Variants in TRIO observed in about 807,000 individuals in gnomAD.
The protein encoded by TRIO is triple functional domain protein.
TRIO carries 58 observed loss-of-function variants against 351.9 expected under a neutral mutation model. The observed-to-expected ratio is 0.16, with a 90% CI of 0.13 to 0.21. TRIO has a LOEUF of 0.21. Ranked by LOEUF, TRIO falls within the 10% of genes least tolerant of loss-of-function variation. The probability of loss-of-function intolerance (pLI) is 1.00; values close to 1 mark genes in which losing one functional copy is unlikely to be tolerated. For synonymous variants in TRIO, 1,758 were observed against 1,595.7 expected (o/e 1.10, Z -2.42); for missense variants, 3,201 against 4,027.8 (o/e 0.79, Z 5.56).
At chr5:14,396,061 A>AG (rs1747545943) in intron 28 of TRIO, among the ~76,000 whole-genome samples, 1 of 151,508 alleles carries the variant, frequency 6.6e-6, no homozygotes, top group African/African-American at 2.4e-5. Context: ...AAAAAAAAAA[A>AG]AAAAAAGGAT....
At chr5:14,422,598 G>A (rs554181788) in intron 34 of TRIO, among the ~76,000 whole-genome samples, 3 of 152,356 alleles carry the variant, frequency 2.0e-5, no homozygotes, top group East Asian at 3.9e-4. Context: ...TCAGGTTCAC[G>A]TGGTGGTTTT....
Position 14,405,789 on chromosome 5 carries a change from T to G in TRIO, c.4717-59T>G, listed in dbSNP as rs1748652445. 2.0e-6 allele frequency: 3 copies of G among 1,521,882 alleles called. No homozygotes were observed. In the Admixed American group the frequency reaches 5.4e-5, roughly 27 times the overall value. The allele number at this position is 1,521,882 out of a possible 1,614,324, so 94.3% of individuals were successfully genotyped here. ...GGAATGCAGGAAACCTGGGTGTGGTTAGGGCAAGGTCTGGAAAGGGCCGTT... is the reference window on the plus strand; with the variant it reads ...GGAATGCAGGAAACCTGGGTGTGGTGAGGGCAAGGTCTGGAAAGGGCCGTT... On this transcript the variant is annotated intron_variant, in intron 31 of 56. Transcript: ENST00000344204.
chr5:14,356,532 G>A (rs1186984835), intron 11 of TRIO, among the ~76,000 whole-genome samples: 1 of 152,196 alleles, frequency 6.6e-6, no homozygotes, highest in Non-Finnish European at 1.5e-5. Context: ...TGGTGGGAAG[G>A]TAAAAATGAT....
intron 1 of TRIO, among the ~76,000 whole-genome samples, chr5:14,163,011 A>G (rs1371926172): frequency 6.6e-6 from 1 of 151,812 alleles, no homozygotes; most frequent in Non-Finnish European, 1.5e-5. Context: ...TGTTTTTTAA[A>G]TTTTACTTTA....
rs1026624775 is a variant in TRIO, at chr5:14,463,477, C to G, written c.5667+552C>G. 2.6e-5 allele frequency among the ~76,000 whole-genome samples: 4 copies of G among 152,186 alleles called. No individual in the cohort carries two copies. In the East Asian group the frequency reaches 7.7e-4, roughly 29 times the overall value. On this transcript the variant is annotated intron_variant, in intron 36 of 56. Coordinates refer to ENST00000344204, the MANE Select transcript of TRIO (RefSeq NM_007118.4). ...CAGTTGAAAGCTCTTTGGGTCTACG[C>G]AGGAGCTTCAAGCCATGAAAGTCAT...
chr5:14,145,276 T>G (rs556667389), intron 1 of TRIO, among the ~76,000 whole-genome samples: 14 of 152,238 alleles, frequency 9.2e-5, no homozygotes, highest in Non-Finnish European at 1.3e-4. Context: ...TGCTGGTAGA[T>G]ACCTGGTTTA....
chr5:14,476,766 C>G, intron 40 of TRIO, 128 bp from the exon 41 acceptor site: 1 of 736,844 alleles, frequency 1.4e-6, no homozygotes, highest in Middle Eastern at 4.2e-4. Context: ...TGCACTCCAG[C>G]CTAGGTGATA....
intron 16 of TRIO, 123 bp downstream of exon 16, chr5:14,367,102 A>G: frequency 7.2e-7 from 1 of 1,393,458 alleles, no homozygotes; most frequent in South Asian, 1.4e-5. Context: ...GACGACTCAG[A>G]GGACCCAAAT....
At chr5:14,145,553 C>T (rs1173531538) in intron 1 of TRIO, among the ~76,000 whole-genome samples, 1 of 151,690 alleles carries the variant, frequency 6.6e-6, no homozygotes, top group Non-Finnish European at 1.5e-5. Flanking sequence ...CGTCTTACCT[C>T]TTAATAGCAG....
chr5:14,398,937 T>C lies in TRIO; in HGVS notation c.4481T>C (p.Val1494Ala), dbSNP rs1189151966. Reference protein sequence around the residue: ...GELILQESFQVWDPKTLIRKG... With the variant: ...GELILQESFQAWDPKTLIRKG... ...CTCATCCTACAGGAATCCTTCCAAG[T>C]GTGGGACCCAAAAACCTTAATTCGA... The change falls in exon 30 of 57, where the codon GTG becomes GCG. Residue 1494 changes from valine to alanine, a missense_variant. Coordinates refer to ENST00000344204, the MANE Select transcript of TRIO (RefSeq NM_007118.4). 1 of 1,614,056 alleles carries C rather than the reference T, an allele frequency of 6.2e-7. No individual in the cohort carries two copies. The highest frequency in any genetic ancestry group is 1.3e-5 in the African/African-American group (1 of 74,930).
intron 2 of TRIO, among the ~76,000 whole-genome samples, chr5:14,274,059 T>A (rs1735278301): frequency 6.6e-6 from 1 of 152,180 alleles, no homozygotes; most frequent in South Asian, 2.1e-4. Flanking sequence ...GTAAATGTTA[T>A]AAAAAACCGC....
At chr5:14,461,536 AAAACAAAC>A (rs148029927) in intron 35 of TRIO, among the ~76,000 whole-genome samples, 1 of 152,214 alleles carries the variant, frequency 6.6e-6, no homozygotes, top group Admixed American at 6.5e-5. Context: ...CTTCTGATTA[AAAACAAAC>A]AAACAAACAA....
chr5:14,146,246 A>G (rs1184121121), intron 1 of TRIO, among the ~76,000 whole-genome samples: 1 of 152,180 alleles, frequency 6.6e-6, no homozygotes, highest in Non-Finnish European at 1.5e-5. Context: ...AGAATGGAGC[A>G]GTCAAATCCA....
At chr5:14,183,918 T>A (rs1561175663) in intron 1 of TRIO, 3 of 696,424 alleles carry the variant, frequency 4.3e-6, no homozygotes, top group Non-Finnish European at 7.9e-6. Context: ...TAACCGTTTT[T>A]TAAAAAAGAT....
intron 53 of TRIO, among the ~76,000 whole-genome samples, chr5:14,502,329 A>G (rs1173926866): frequency 6.6e-6 from 1 of 152,232 alleles, no homozygotes; most frequent in Admixed American, 6.5e-5. Flanking sequence ...AATACATCCA[A>G]AGTATTAGAT....
At chr5:14,496,096 A>G (rs1756875068) in intron 49 of TRIO, among the ~76,000 whole-genome samples, 1 of 152,158 alleles carries the variant, frequency 6.6e-6, no homozygotes, top group African/African-American at 2.4e-5. Context: ...TGCGGATGAT[A>G]GCATTTTTTT....
At chr5:14,248,589 G>C (rs559603101) in intron 1 of TRIO, among the ~76,000 whole-genome samples, 1 of 152,352 alleles carries the variant, frequency 6.6e-6, no homozygotes, top group East Asian at 1.9e-4. Context: ...GGGCCTGGGA[G>C]TCAGTTTCCT....
At chr5:14,411,554 T>C (rs1749206490) in intron 33 of TRIO, among the ~76,000 whole-genome samples, 1 of 149,560 alleles carries the variant, frequency 6.7e-6, no homozygotes, top group Admixed American at 6.6e-5. Flanking sequence ...TTCCCAAGCT[T>C]ATAACATGAA....
At chr5:14,319,652 A>C (rs2152308317) in intron 9 of TRIO, among the ~76,000 whole-genome samples, 2 of 152,346 alleles carry the variant, frequency 1.3e-5, no homozygotes, top group South Asian at 4.1e-4. Flanking sequence ...CTGTAAGTAC[A>C]TTGAGAAAAA....
Sources: allele counts gnomAD v4.1 joint callset (sites outside exome capture counted in the v4.1 genomes callset), GRCh38; gene constraint gnomAD v4.1.1; transcripts MANE v1.5; gene names NCBI Gene and HGNC (gene_info 2026-07-23, HGNC 2026-07-21).